Variants in FAM169A observed in about 807,000 individuals in gnomAD.
FAM169A encodes the protein soluble lamin-associated protein of 75 kDa.
In FAM169A, 24 loss-of-function variants were observed where a neutral mutation model predicts 75.7. The ratio of observed to expected loss-of-function variants is 0.32; its 90% CI spans 0.23 to 0.45. The LOEUF (loss-of-function observed/expected upper bound fraction) is 0.45. Ranked by LOEUF, FAM169A falls within the 20% of genes least tolerant of loss-of-function variation. The pLI is 1.00. For synonymous variants in FAM169A, 271 were observed against 271.0 expected, an observed-to-expected ratio of 1.00 and a Z score of 0.00; for missense variants, 673 against 784.0, an observed-to-expected ratio of 0.86 and a Z score of 1.69.
intron 6 of FAM169A, among the ~76,000 whole-genome samples, chr5:74,809,448 T>A (rs1747057182): frequency 6.6e-6 from 1 of 151,358 alleles, no homozygotes; most frequent in African/African-American, 2.4e-5. Flanking sequence ...TACAAAAAAT[T>A]AGCCAGGTGT....
At chr5:74,851,278 C>T (rs1224669073) in intron 1 of FAM169A, among the ~76,000 whole-genome samples, 2 of 152,172 alleles carry the variant, frequency 1.3e-5, no homozygotes, top group East Asian at 1.9e-4. Flanking sequence ...CTCTTGGATA[C>T]GGCCTATCTT....
In FAM169A at chr5:74,804,740, C is replaced by T; in HGVS notation, c.800-135G>A. On this transcript the variant is annotated intron_variant, in intron 7 of 12. Transcript: ENST00000687041. ...CACGAAAATCTAGGTGTGAGATGTT[C>T]TCTTCACCAATATCCTATAATGCAA... The T allele has an allele frequency of 3.7e-6, 2 of 538,596 alleles. 1 individual carries two copies. Among genetic ancestry groups the T allele is most frequent in the East Asian group, 5.9e-5 (2 of 34,166 alleles). The allele number at this position is 538,596 out of a possible 1,614,324, so 33.4% of individuals were successfully genotyped here. A position where few individuals can be genotyped will look rare whatever the true frequency, so the allele number is the denominator to read the frequency against.
intron 1 of FAM169A, among the ~76,000 whole-genome samples, chr5:74,853,774 C>T (rs1383343882): frequency 1.5e-5 from 2 of 136,898 alleles, no homozygotes; most frequent in Non-Finnish European, 3.0e-5. Flanking sequence ...GTGGCGCCAT[C>T]TCGGCTCACT....
At chr5:74,811,398 G>T (rs1040901357) in intron 6 of FAM169A, among the ~76,000 whole-genome samples, 1 of 152,156 alleles carries the variant, frequency 6.6e-6, no homozygotes, top group African/African-American at 2.4e-5. Context: ...CTCAAATTCA[G>T]TAAAGCAGTA....
In FAM169A at chr5:74,838,948, T is replaced by G. The variant is rs1186539079; in HGVS notation, c.318+17A>C. The G allele has an allele frequency of 6.3e-7, 1 of 1,578,212 alleles. No individual in the cohort carries two copies. Among genetic ancestry groups the G allele is most frequent in the Non-Finnish European group, 8.7e-7 (1 of 1,147,362 alleles). On this transcript the variant is annotated intron_variant, in intron 4 of 12. Transcript: ENST00000687041. ...ATGGCCTCAAAAGAAACACTCAAAA[T>G]TAGAGGATCTTGTTACCTGCTTAAG...
At chr5:74,866,831 G>T (rs1253612987), upstream of FAM169A, 20 of 985,418 alleles carry the variant, frequency 2.0e-5, no homozygotes, top group Non-Finnish European at 2.4e-5. Context: ...CAGAGTGGGC[G>T]CGGCCATCCC....
Position 74,778,671 on chromosome 5 carries a change from A to G in FAM169A, c.*2789T>C, listed in dbSNP as rs1561281068. On this transcript the variant is annotated 3_prime_UTR_variant, in exon 13 of 13. Transcript: ENST00000687041. ...TTATAATAAATTCTTAAATATACTA[A>G]TTTCTGTGATGTCTAGCAATTGAAT... 2 of 152,046 alleles carry G rather than the reference A, an allele frequency of 1.3e-5. No individual in the cohort carries two copies. Among genetic ancestry groups the G allele is most frequent in the African/African-American group, 4.8e-5 (2 of 41,428 alleles). The allele number at this position is 152,046 out of a possible 1,614,324, so 9.4% of individuals were successfully genotyped here.
intron 10 of FAM169A, chr5:74,799,773 G>A (rs756646742): frequency 3.1e-5 from 35 of 1,120,612 alleles, no homozygotes; most frequent in East Asian, 4.7e-5. Context: ...CAACAGCGCC[G>A]TGGCTGCTGG....
At chr5:74,822,692 C>T (rs1016323620) in intron 5 of FAM169A, among the ~76,000 whole-genome samples, 3 of 152,188 alleles carry the variant, frequency 2.0e-5, no homozygotes, top group African/African-American at 7.2e-5. Context: ...TTCTGGGGCC[C>T]ACATAAATAT....
chr5:74,807,453 A>G (rs75006339), intron 6 of FAM169A, among the ~76,000 whole-genome samples: 10,397 of 152,246 alleles, frequency 0.068, 808 homozygotes, highest in African/African-American at 0.19. Context: ...ATCATACCAC[A>G]TATCATTAGC....
At chr5:74,807,587 T>C (rs1260075380) in intron 6 of FAM169A, among the ~76,000 whole-genome samples, 1 of 152,202 alleles carries the variant, frequency 6.6e-6, no homozygotes, top group African/African-American at 2.4e-5. Context: ...AAAAAACATT[T>C]GTAACATTCA....
intron 1 of FAM169A, among the ~76,000 whole-genome samples, chr5:74,862,098 A>G (rs1272113224): frequency 1.3e-5 from 2 of 152,210 alleles, no homozygotes; most frequent in Non-Finnish European, 2.9e-5. Context: ...TGTCACCTCC[A>G]TAGCCACAGC....
rs559908663 is a variant in FAM169A at position 74,808,417 on chromosome 5, T to C, written c.671-3133A>G. Among the ~76,000 whole-genome samples, 6 of 148,302 alleles carry C rather than the reference T, an allele frequency of 4.0e-5. No individual in the cohort carries two copies. The East Asian group carries it at 1.2e-3, about 29-fold the overall frequency. On this transcript the variant is annotated intron_variant, in intron 6 of 12. Transcript: ENST00000687041. ...TATGATTCCATTTAGATGAGGTAGCTAGCATGGGCAAATTCATAGGGACAG... is the reference window on the plus strand; with the variant it reads ...TATGATTCCATTTAGATGAGGTAGCCAGCATGGGCAAATTCATAGGGACAG...
intron 1 of FAM169A, among the ~76,000 whole-genome samples, chr5:74,851,838 T>TTA (rs1441295994): frequency 1.3e-5 from 2 of 152,202 alleles, no homozygotes; most frequent in Non-Finnish European, 1.5e-5. Flanking sequence ...ATTTCTTACA[T>TTA]TATACCTGGC....
At chr5:74,799,628 T>G in intron 10 of FAM169A, 2 of 1,397,258 alleles carry the variant, frequency 1.4e-6, no homozygotes, top group Non-Finnish European at 2.0e-6. Flanking sequence ...GGGGTCAGCT[T>G]CTCCGCCAGT....
intron 8 of FAM169A, among the ~76,000 whole-genome samples, chr5:74,804,139 T>C (rs1183699585): frequency 6.6e-6 from 1 of 152,028 alleles, no homozygotes; most frequent in Non-Finnish European, 1.5e-5. Context: ...AAATACAATA[T>C]ATACAGATAC....
chr5:74,839,027 G>C lies in FAM169A; in HGVS notation c.256C>G (p.Gln86Glu), dbSNP rs1373859545. Residue 86 changes from glutamine (Q) to glutamate (E), a missense_variant, in exon 4 of 13, where the codon CAG becomes GAG. Physicochemically the swap from Gln to Glu is conservative, Grantham distance 29 (BLOSUM62 2). Transcript: ENST00000687041. ...LTAVALYLAD[Q>E]WWAIDDIVKT... ...ACAATATCATCAATAGCCCACCACT[G>C]ATCAGCAAGGTAAAGTGCCACAGCT... 1 of 1,613,538 alleles carries C rather than the reference G, an allele frequency of 6.2e-7. No individual in the cohort carries two copies. The highest frequency in any genetic ancestry group is 1.1e-5 in the South Asian group (1 of 91,066).
intron 5 of FAM169A, among the ~76,000 whole-genome samples, chr5:74,822,782 G>A (rs1747828661): frequency 6.6e-6 from 1 of 152,044 alleles, no homozygotes; most frequent in Non-Finnish European, 1.5e-5. Flanking sequence ...ATATGCCCAT[G>A]TCAAAATTGA....
intron 11 of FAM169A, among the ~76,000 whole-genome samples, chr5:74,792,636 A>G (rs1271310311): frequency 6.6e-6 from 1 of 152,046 alleles, no homozygotes; most frequent in African/African-American, 2.4e-5. Context: ...CATCTATCCT[A>G]TTAGTTCTGT....
Sources: gnomAD v4.1 joint callset for allele counts (sites outside exome capture counted in the v4.1 genomes callset) on GRCh38, gnomAD v4.1.1 for gene constraint, MANE v1.5 for transcripts, NCBI Gene and HGNC (gene_info 2026-07-23, HGNC 2026-07-21) for gene names.